The following SHROOM4 variants were observed in gnomAD, a reference collection of about 807,000 sequenced individuals.
The protein encoded by SHROOM4 is protein Shroom4.
Under a neutral mutation model 80.3 loss-of-function variants are expected in SHROOM4, and 17 were observed. The ratio of observed to expected loss-of-function variants is 0.21; its 90% CI spans 0.14 to 0.32. The LOEUF (loss-of-function observed/expected upper bound fraction) is 0.32, where lower values mean the gene tolerates loss of function less well. Ranked by LOEUF, SHROOM4 falls within the 10% of genes least tolerant of loss-of-function variation. The pLI, the probability that SHROOM4 is intolerant of heterozygous loss-of-function variation, is 1.00. For synonymous variants in SHROOM4, 400 were observed against 437.5 expected (o/e 0.91, Z 1.07); for missense variants, 993 against 1,140.3 (o/e 0.87, Z 1.86).
chrX:50,637,856 A>G (rs1448280199), intron 3 of SHROOM4, among the ~76,000 whole-genome samples: 2 of 112,221 alleles, frequency 1.8e-5, no homozygotes, highest in Non-Finnish European at 3.8e-5. Flanking sequence ...ATTAAGAGAC[A>G]GGAGAACAAA....
chrX:50,696,263 C>A (rs1933367061), intron 1 of SHROOM4, among the ~76,000 whole-genome samples: 1 of 111,796 alleles, frequency 8.9e-6, no homozygotes, highest in African/African-American at 3.3e-5. Flanking sequence ...CGTGGCCTAC[C>A]AAAACGTGCA....
Position 50,715,653 on chromosome X carries a change from C to A in SHROOM4, c.118-19716G>T, listed in dbSNP as rs140561173. On this transcript the variant is annotated intron_variant, in intron 1 of 8. Coordinates refer to ENST00000376020, the MANE Select transcript of SHROOM4 (RefSeq NM_020717.5). ...AATCACAACGAGATATCACTTCATG[C>A]CTGTTAGGATGGCTACTATCAAAAA... 5.0e-3 allele frequency among the ~76,000 whole-genome samples: 552 copies of A among 110,730 alleles called. 5 individuals are homozygous for A. Among genetic ancestry groups the A allele is most frequent in the African/African-American group, 0.017 (513 of 30,452 alleles).
Position 50,664,851 on chromosome X carries a change from A to G in SHROOM4, c.270-26543T>C, listed in dbSNP as rs189881012. 4.9e-3 allele frequency among the ~76,000 whole-genome samples: 536 copies of G among 110,274 alleles called. 1 individual carries two copies. Among genetic ancestry groups the G allele is most frequent in the Middle Eastern group, 9.3e-3 (2 of 214 alleles). Reference sequence around the variant, plus strand: ...GGAGATTTTGCTCCACAAATGCAATAACCTACACATAATGAGGTGTTCTCC... The same window carrying G: ...GGAGATTTTGCTCCACAAATGCAATGACCTACACATAATGAGGTGTTCTCC... On this transcript the variant is annotated intron_variant, in intron 2 of 8. Transcript: ENST00000376020.
At chrX:50,651,162 T>A (rs1557258686) in intron 2 of SHROOM4, among the ~76,000 whole-genome samples, 3 of 111,992 alleles carry the variant, frequency 2.7e-5, no homozygotes, top group Non-Finnish European at 5.6e-5. Flanking sequence ...CCTGATAGAC[T>A]TGGTGGGACA....
At chrX:50,787,294 G>T (rs989902721) in intron 1 of SHROOM4, among the ~76,000 whole-genome samples, 44 of 110,176 alleles carry the variant, frequency 4.0e-4, no homozygotes, top group Non-Finnish European at 6.2e-4. Context: ...CACTAGAGGG[G>T]TTCAACATGA....
chrX:50,577,221 C>CT, the SHROOM4 span, among the ~76,000 whole-genome samples: 1 of 112,498 alleles, frequency 8.9e-6, no homozygotes, highest in Non-Finnish European at 1.9e-5. Context: ...CTATAATTTT[C>CT]TTTTTTGTCA....
intron 2 of SHROOM4, among the ~76,000 whole-genome samples, chrX:50,652,798 T>TA (rs781800162): frequency 8.9e-6 from 1 of 112,384 alleles, no homozygotes; most frequent in Non-Finnish European, 1.9e-5. Flanking sequence ...TAGCCAGTTT[T>TA]CCCAATACCA....
At chrX:50,800,518 A>T (rs782490735) in intron 1 of SHROOM4, among the ~76,000 whole-genome samples, 149 of 111,334 alleles carry the variant, frequency 1.3e-3, no homozygotes, top group African/African-American at 4.8e-3. Context: ...GATGCCCTAG[A>T]GGCTTAGAGG....
intron 1 of SHROOM4, among the ~76,000 whole-genome samples, chrX:50,709,549 G>T (rs1399259249): frequency 1.8e-5 from 2 of 111,879 alleles, no homozygotes; most frequent in African/African-American, 3.3e-5. Context: ...TATGCAGCAA[G>T]ATCAGTTAGG....
At chrX:50,658,439 C>T (rs1046355720) in intron 2 of SHROOM4, among the ~76,000 whole-genome samples, 3 of 111,313 alleles carry the variant, frequency 2.7e-5, no homozygotes, top group Non-Finnish European at 5.7e-5. Context: ...ATCCCTGAAT[C>T]ACTTTAACTA....
intron 5 of SHROOM4, among the ~76,000 whole-genome samples, chrX:50,622,567 G>T (rs112576852): frequency 0.044 from 4,883 of 112,217 alleles, 239 homozygotes; most frequent in African/African-American, 0.15. Flanking sequence ...CCTGAAATTA[G>T]CAATTCATTG....
At chrX:50,760,323 C>G in intron 1 of SHROOM4, among the ~76,000 whole-genome samples, 1 of 88,712 alleles carries the variant, frequency 1.1e-5, no homozygotes, top group Non-Finnish European at 2.2e-5. Context: ...TATTTTTTAT[C>G]TCTAGTAACT....
chrX:50,708,597 C>T (rs1307222658), intron 1 of SHROOM4, among the ~76,000 whole-genome samples: 1 of 112,089 alleles, frequency 8.9e-6, no homozygotes, highest in Non-Finnish European at 1.9e-5. Flanking sequence ...TTCACAATTG[C>T]GTGCTCAAAA....
rs1186717717 is a variant in SHROOM4 at position 50,591,353 on chromosome X, T to C, written c.*5342A>G. ...TGTATGAGCCCTCCAACTGTTCTTT[T>C]TAAAGATTGTTTTGACTGTTCCAGG... On this transcript the variant is annotated 3_prime_UTR_variant, in exon 9 of 9. Coordinates refer to ENST00000376020, the MANE Select transcript of SHROOM4 (RefSeq NM_020717.5). 8.9e-6 allele frequency among the ~76,000 whole-genome samples: 1 copy of C among 112,305 alleles called. No individual in the cohort carries two copies. Among genetic ancestry groups the C allele is most frequent in the African/African-American group, 3.2e-5 (1 of 30,910 alleles).
intron 2 of SHROOM4, among the ~76,000 whole-genome samples, chrX:50,668,227 C>A (rs1299535174): frequency 1.8e-5 from 2 of 111,914 alleles, no homozygotes; most frequent in Non-Finnish European, 3.8e-5. Context: ...TAACAAGGAG[C>A]CCCTCCTCCC....
chrX:50,633,449 A>T lies in SHROOM4; in HGVS notation c.2624T>A (p.Leu875Gln). 1 of 1,211,967 alleles carries T rather than the reference A, an allele frequency of 8.3e-7. No individual in the cohort carries two copies. The highest frequency in any genetic ancestry group is 1.1e-6 in the Non-Finnish European group (1 of 895,503). Residue 875 changes from leucine to glutamine, a missense_variant, in exon 4 of 9, where the codon CTA becomes CAA. By Grantham distance (113) the Leu-to-Gln change is moderately radical. Coordinates refer to ENST00000376020, the MANE Select transcript of SHROOM4 (RefSeq NM_020717.5). ...GLENSMCCKPLHCGDFDYHRT... is the reference protein window; with the variant it reads ...GLENSMCCKPQHCGDFDYHRT... The stretch of plus-strand genomic sequence containing the variant: ...GTGGTAATCAAAATCACCACAGTGT[A>T]GTGGCTTACAACACATGGAATTTTC...
chrX:50,763,708 G>A (rs1351967727), intron 1 of SHROOM4, among the ~76,000 whole-genome samples: 1 of 111,498 alleles, frequency 9.0e-6, no homozygotes, highest in African/African-American at 3.3e-5. Context: ...TCAGAATTGT[G>A]CTTATGCCCC....
rs782134856 is a variant in SHROOM4 at position 50,775,703 on chromosome X, T to C, written c.117+38199A>G. 3.6e-5 allele frequency among the ~76,000 whole-genome samples: 4 copies of C among 111,876 alleles called. No individual in the cohort carries two copies. The East Asian group carries it at 1.1e-3, about 32-fold the overall frequency. ...GCCTGATGAAAAGGACATTTTTACA[T>C]ACTCATGTTATGAGCCCAACATCTG... On this transcript the variant is annotated intron_variant, in intron 1 of 8. Coordinates refer to ENST00000376020, the MANE Select transcript of SHROOM4 (RefSeq NM_020717.5).
the SHROOM4 span, among the ~76,000 whole-genome samples, chrX:50,580,154 A>G: frequency 1.8e-5 from 2 of 112,087 alleles, no homozygotes; most frequent in Non-Finnish European, 3.8e-5. Flanking sequence ...ATAGGACTTT[A>G]GACAAAGGTT....
Sources: gnomAD v4.1 joint callset for allele counts (sites outside exome capture counted in the v4.1 genomes callset) on GRCh38, gnomAD v4.1.1 for gene constraint, MANE v1.5 for transcripts, NCBI Gene and HGNC (gene_info 2026-07-23, HGNC 2026-07-21) for gene names.